The following ZBTB20 variants were observed in gnomAD, a reference collection of about 807,000 sequenced individuals.
ZBTB20 encodes zinc finger and BTB domain-containing protein 20.
Under a neutral mutation model 56.9 loss-of-function variants are expected in ZBTB20, and 9 were observed. The ratio of observed to expected loss-of-function variants is 0.16; its 90% CI spans 0.10 to 0.28. ZBTB20 has a LOEUF of 0.28. Ranked by LOEUF, ZBTB20 falls within the 10% of genes least tolerant of loss-of-function variation. ZBTB20 has a pLI of 1.00. For missense variants in ZBTB20, 655 were observed against 1,003.0 expected (o/e 0.65, Z 4.69); for synonymous variants, 417 against 420.7 (o/e 0.99, Z 0.11).
chr3:114,579,795 T>C (rs1053093319), intron 6 of ZBTB20, among the ~76,000 whole-genome samples: 4 of 151,534 alleles, frequency 2.6e-5, no homozygotes, highest in African/African-American at 7.2e-5. Flanking sequence ...TACAAATAAA[T>C]TGAAGTATAA....
intron 6 of ZBTB20, among the ~76,000 whole-genome samples, chr3:114,670,031 T>C (rs2061275288): frequency 6.6e-6 from 1 of 152,094 alleles, no homozygotes; most frequent in Non-Finnish European, 1.5e-5. Context: ...TGAATACAGC[T>C]AAAATTCAAA....
At chr3:114,624,221 C>G (rs1205907904) in intron 6 of ZBTB20, 1 of 151,944 alleles carries the variant, frequency 6.6e-6, no homozygotes, top group African/African-American at 2.4e-5. Flanking sequence ...ATTAGTTTGT[C>G]GAGTTCACAG....
chr3:114,503,185 G>T, intron 6 of ZBTB20, among the ~76,000 whole-genome samples: 1 of 152,222 alleles, frequency 6.6e-6, no homozygotes, highest in East Asian at 1.9e-4. Context: ...ACACAGGATG[G>T]CTGTCAATGA....
rs77752121 is a variant in ZBTB20 at position 115,065,641 on chromosome 3, G to A, written c.-507+5578C>T. On this transcript the variant is annotated intron_variant, in intron 2 of 11. Coordinates refer to ENST00000675478, the MANE Select transcript of ZBTB20 (RefSeq NM_001348800.3). Reference sequence around the variant, plus strand: ...AAATTTCCTGAAGATGTTAATCCTAGAGCTATAATCATGCTATTCACAGGG... The same window carrying A: ...AAATTTCCTGAAGATGTTAATCCTAAAGCTATAATCATGCTATTCACAGGG... Among the ~76,000 whole-genome samples the A allele has an allele frequency of 8.7e-3, 1,317 of 152,188 alleles. 8 individuals carry two copies. Among genetic ancestry groups the A allele is most frequent in the Non-Finnish European group, 0.014 (944 of 68,004 alleles).
chr3:114,428,984 T>TTATATA (rs200340662), intron 7 of ZBTB20, among the ~76,000 whole-genome samples: 101 of 151,710 alleles, frequency 6.7e-4, no homozygotes, highest in East Asian at 1.7e-3. Context: ...ATTTAAACAA[T>TTATATA]TATACATATA....
chr3:115,127,586 C>G (rs1282640754), intron 1 of ZBTB20, among the ~76,000 whole-genome samples: 1 of 151,958 alleles, frequency 6.6e-6, no homozygotes, highest in Non-Finnish European at 1.5e-5. Context: ...AATCAAAACT[C>G]TGTCTCAAAA....
Position 114,703,941 on chromosome 3 carries a change from T to C in ZBTB20, c.-342-10366A>G, listed in dbSNP as rs564233901. ...CAGGTGTCACATTTGCCAAATCTTT[T>C]TGCAAGACTGGAATAGATATTCTTT... On this transcript the variant is annotated intron_variant, in intron 5 of 11. Transcript: ENST00000675478. 3.3e-5 allele frequency among the ~76,000 whole-genome samples: 5 copies of C among 152,338 alleles called. 1 individual carries two copies. Among genetic ancestry groups the C allele is most frequent in the African/African-American group, 9.6e-5 (4 of 41,578 alleles).
At chr3:114,947,046 CAT>C in intron 3 of ZBTB20, among the ~76,000 whole-genome samples, 1 of 143,836 alleles carries the variant, frequency 7.0e-6, no homozygotes, top group East Asian at 1.9e-4. Context: ...GGCCAAGAAA[CAT>C]ATAAAAAAAA....
intron 6 of ZBTB20, among the ~76,000 whole-genome samples, chr3:114,660,176 C>T: frequency 6.6e-6 from 1 of 152,138 alleles, no homozygotes; most frequent in African/African-American, 2.4e-5. Flanking sequence ...GGAGCCTGTT[C>T]TAATCTCCCT....
chr3:114,990,413 T>C (rs1367048398), intron 2 of ZBTB20, among the ~76,000 whole-genome samples: 1 of 152,184 alleles, frequency 6.6e-6, no homozygotes, highest in Non-Finnish European at 1.5e-5. Flanking sequence ...GTTTATTGAT[T>C]TGTGTATGTT....
intron 6 of ZBTB20, among the ~76,000 whole-genome samples, chr3:114,520,569 A>G (rs1646738345): frequency 1.3e-5 from 2 of 152,164 alleles, no homozygotes. Context: ...AAAATATCAC[A>G]TAAGTGTTTG....
intron 6 of ZBTB20, among the ~76,000 whole-genome samples, chr3:114,620,454 G>A (rs540233727): frequency 2.0e-5 from 3 of 152,098 alleles, no homozygotes; most frequent in South Asian, 2.1e-4. Context: ...CACCATGCCC[G>A]GCTAATGTTG....
At chr3:114,417,749 AG>A (rs1026435134) in intron 7 of ZBTB20, among the ~76,000 whole-genome samples, 10 of 152,070 alleles carry the variant, frequency 6.6e-5, no homozygotes, top group Admixed American at 6.6e-4. Flanking sequence ...TTTAATGTAA[AG>A]GAAAAAAGGA....
intron 5 of ZBTB20, among the ~76,000 whole-genome samples, chr3:114,775,110 C>A (rs1241811770): frequency 6.6e-6 from 1 of 152,082 alleles, no homozygotes; most frequent in African/African-American, 2.4e-5. Context: ...TTAAAACACT[C>A]ATGCAGAACA....
chr3:115,008,916 A>G (rs2079583461), intron 2 of ZBTB20, among the ~76,000 whole-genome samples: 1 of 151,940 alleles, frequency 6.6e-6, no homozygotes, highest in Non-Finnish European at 1.5e-5. Context: ...GCTCCCACCA[A>G]TCCTGTATAT....
At chr3:114,712,505 T>C (rs2064154769) in intron 5 of ZBTB20, among the ~76,000 whole-genome samples, 2 of 151,498 alleles carry the variant, frequency 1.3e-5, no homozygotes, top group African/African-American at 4.9e-5. Context: ...TAAAAAAAAT[T>C]AGCCGGGTGT....
At chr3:114,961,906 G>C (rs1437234073) in intron 3 of ZBTB20, among the ~76,000 whole-genome samples, 3 of 152,076 alleles carry the variant, frequency 2.0e-5, no homozygotes, top group Non-Finnish European at 4.4e-5. Context: ...AAGAACAGAG[G>C]ATAGAAGTAC....
At chr3:114,760,385 A>G (rs532242058) in intron 5 of ZBTB20, among the ~76,000 whole-genome samples, 222 of 152,318 alleles carry the variant, frequency 1.5e-3, no homozygotes, top group African/African-American at 5.1e-3. Context: ...CAATGACACA[A>G]ATATACATAA....
chr3:114,454,024 T>TA (rs1194104987), intron 7 of ZBTB20, among the ~76,000 whole-genome samples: 1 of 137,524 alleles, frequency 7.3e-6, no homozygotes, highest in Non-Finnish European at 1.5e-5. Flanking sequence ...GCAAAACACT[T>TA]AGAGGCTTTT....
Sources: allele counts gnomAD v4.1 joint callset (sites outside exome capture counted in the v4.1 genomes callset), GRCh38; gene constraint gnomAD v4.1.1; transcripts MANE v1.5; gene names NCBI Gene and HGNC (gene_info 2026-07-23, HGNC 2026-07-21).